CCDC32: variants seen among roughly 807,000 people sequenced by gnomAD.
CCDC32 encodes the protein coiled-coil domain containing 32, also known as coiled-coil domain-containing protein 32.
A neutral mutation model predicts 20.1 loss-of-function variants in CCDC32; 9 were observed. That is an observed-to-expected ratio of 0.45 (90% CI 0.27 to 0.78). The LOEUF (loss-of-function observed/expected upper bound fraction) is 0.78. CCDC32 is among the 30% of genes least tolerant of loss of function. The probability of loss-of-function intolerance (pLI) is 0.16; values close to 1 mark genes in which losing one functional copy is unlikely to be tolerated. For synonymous variants in CCDC32, 63 were observed against 79.0 expected (o/e 0.80, Z 1.07); for missense variants, 204 against 215.5 (o/e 0.95, Z 0.33).
rs1287688741 is a variant in CCDC32, at chr15:40,553,945, T to C, written c.*26A>G. The C allele has an allele frequency of 1.3e-6, 1 of 773,774 alleles. No individual in the cohort carries two copies. Among genetic ancestry groups the C allele is most frequent in the Non-Finnish European group, 2.0e-6 (1 of 501,924 alleles). 47.9% of individuals were successfully genotyped at this position (773,774 alleles called of 1,614,324 possible). On this transcript the variant is annotated 3_prime_UTR_variant, in exon 4 of 4. Coordinates refer to ENST00000416810, the MANE Select transcript of CCDC32 (RefSeq NM_001080792.4). ...GTGTGTGTGTGTGTGTGTGTGTGTG[T>C]GTGTGTGTGTGTGTGTGTGTGTAAT...
rs1889992058 is a variant in CCDC32 at position 40,553,294 on chromosome 15, G to C, written c.*677C>G. ...CCTTTTTAAGTGCAGGAGGAAGTTG[G>C]AGGAGAAGCCATGCATGAAGTAAAA... On this transcript the variant is annotated 3_prime_UTR_variant, in exon 4 of 4. Coordinates refer to ENST00000416810, the MANE Select transcript of CCDC32 (RefSeq NM_001080792.4). 3.0e-6 allele frequency: 3 copies of C among 985,480 alleles called. No individual in the cohort carries two copies. The South Asian group carries it at 1.4e-4, about 46-fold the overall frequency. The allele number at this position is 985,480 out of a possible 1,614,324, so 61.0% of individuals were successfully genotyped here.
At chr15:40,529,153 G>A (rs945402027) in intron 3 of CCDC32, among the ~76,000 whole-genome samples, 2 of 152,180 alleles carry the variant, frequency 1.3e-5, no homozygotes, top group Admixed American at 6.5e-5. Flanking sequence ...CACAACCTTG[G>A]TGCACAATAT....
downstream of CCDC32, among the ~76,000 whole-genome samples, chr15:40,551,239 G>A (rs1051527642): frequency 3.3e-5 from 5 of 151,992 alleles, no homozygotes; most frequent in African/African-American, 1.2e-4. Flanking sequence ...AAAATTAGCC[G>A]GGCGTGGTGG....
In CCDC32 at chr15:40,562,811, C is replaced by CCCAA. The variant is rs746551766; in HGVS notation, c.201_204dup (p.Ala69LeufsTer63). 2 of 1,614,084 alleles carry CCCAA rather than the reference C, an allele frequency of 1.2e-6. No individual in the cohort carries two copies. Among genetic ancestry groups the CCCAA allele is most frequent in the African/African-American group, 2.7e-5 (2 of 74,924 alleles). On this transcript the variant is annotated frameshift_variant, in exon 2 of 4. Coordinates refer to ENST00000416810, the MANE Select transcript of CCDC32 (RefSeq NM_001080792.4). LOFTEE classifies it high-confidence loss of function. The stretch of plus-strand genomic sequence containing the variant: ...TACACTTCTGAATCCTGCAAGGGAG[C>CCCAA]CCAAGGCTTTACAGCTGGCTGGACA...
rs1371933705 is a variant in CCDC32, at chr15:40,539,459, G to A, written c.402-104C>T. On this transcript the variant is annotated intron_variant, in intron 3 of 3. Coordinates refer to the CCDC32 transcript ENST00000558113. ...AGAGACAGGCATACATAGGAGCACC[G>A]AGAGTGCGAAGGTGCGAGGAAGTGA... 6 of 1,019,190 alleles carry A rather than the reference G, an allele frequency of 5.9e-6. No homozygotes were observed. In the Admixed American group the frequency reaches 6.2e-5, roughly 11 times the overall value. The allele number at this position is 1,019,190 out of a possible 1,614,324, so 63.1% of individuals were successfully genotyped here. A position where few individuals can be genotyped will look rare whatever the true frequency, so the allele number is the denominator to read the frequency against.
chr15:40,553,982 C>T lies in CCDC32; in HGVS notation c.547G>A (p.Ala183Thr), dbSNP rs144400630. ...TGTGTGTGTGTAATTTACTGTTCTG[C>T]TGCTGCTGGCTTGTCCCCGGCTGCT... ...EPAAGDKPAA[A>T]EQ Residue 183 changes from alanine to threonine, a missense_variant, in exon 4 of 4, where the codon GCA becomes ACA. By Grantham distance (58) the Ala-to-Thr change is moderately conservative (BLOSUM62 0). Coordinates refer to ENST00000416810, the MANE Select transcript of CCDC32 (RefSeq NM_001080792.4). The T allele has an allele frequency of 3.7e-6, 6 of 1,602,670 alleles. No individual in the cohort carries two copies. The African/African-American group carries it at 4.1e-5, about 11-fold the overall frequency.
chr15:40,548,465 T>C (rs1386202806), downstream of CCDC32, among the ~76,000 whole-genome samples: 1 of 152,206 alleles, frequency 6.6e-6, no homozygotes, highest in Admixed American at 6.5e-5. Context: ...GCATTGGTTA[T>C]CTATTGCTGA....
At chr15:40,531,883 T>A (rs2034653), downstream of CCDC32, 135,159 of 153,284 alleles carry the variant, frequency 0.88, 59,906 homozygotes, top group Non-Finnish European at 0.93. Flanking sequence ...GTTTTTTTTT[T>A]AAATATGAAA....
downstream of CCDC32, among the ~76,000 whole-genome samples, chr15:40,527,601 G>A (rs1446171595): frequency 6.6e-6 from 1 of 152,242 alleles, no homozygotes. Context: ...TGGATAATGA[G>A]GGCTCTGCTT....
chr15:40,562,733 C>G (rs774566913), intron 2 of CCDC32, 39 bp downstream of exon 2: 1 of 1,578,332 alleles, frequency 6.3e-7, no homozygotes, highest in African/African-American at 1.4e-5. Flanking sequence ...TTTGATGTAA[C>G]AGAACTTCAA....
chr15:40,529,953 G>A (rs553530713), downstream of CCDC32, among the ~76,000 whole-genome samples: 81 of 151,200 alleles, frequency 5.4e-4, 3 homozygotes, highest in Non-Finnish European at 9.6e-4. Flanking sequence ...GAGCCACTGC[G>A]CCCAGCCGGT....
At chr15:40,522,899 TCA>T in the CCDC32 span, among the ~76,000 whole-genome samples, 16 of 147,662 alleles carry the variant, frequency 1.1e-4, no homozygotes, top group African/African-American at 3.7e-4. Flanking sequence ...GCAGTCTCAC[TCA>T]CTGCAACTTC....
chr15:40,524,332 A>G (rs1471984634), downstream of CCDC32, among the ~76,000 whole-genome samples: 7 of 150,964 alleles, frequency 4.6e-5, no homozygotes, highest in Middle Eastern at 3.4e-3. Flanking sequence ...AATTTTTTGT[A>G]TTTTTAGTAG....
intron 1 of CCDC32, among the ~76,000 whole-genome samples, chr15:40,564,048 C>T (rs988942629): frequency 7.2e-5 from 11 of 152,068 alleles, no homozygotes; most frequent in African/African-American, 2.7e-4. Context: ...TCTCGATCTC[C>T]TGATCTTGTG....
At chr15:40,539,840 C>A (rs886933389) in intron 3 of CCDC32, among the ~76,000 whole-genome samples, 5 of 134,542 alleles carry the variant, frequency 3.7e-5, no homozygotes, top group Admixed American at 2.4e-4. Flanking sequence ...CAAACTGTTG[C>A]CACACACACA....
intron 2 of CCDC32, among the ~76,000 whole-genome samples, chr15:40,561,285 C>T (rs980554445): frequency 6.6e-6 from 1 of 151,788 alleles, no homozygotes; most frequent in Non-Finnish European, 1.5e-5. Flanking sequence ...CCACTCTGAC[C>T]AACATGGTGA....
chr15:40,526,128 A>G (rs1213554091), downstream of CCDC32, among the ~76,000 whole-genome samples: 1 of 152,138 alleles, frequency 6.6e-6, no homozygotes, highest in Non-Finnish European at 1.5e-5. Flanking sequence ...TGTAGACCAG[A>G]GCCAGAGAAA....
chr15:40,535,394 T>C, downstream of CCDC32: 7 of 1,018,936 alleles, frequency 6.9e-6, no homozygotes, highest in Non-Finnish European at 8.2e-6. Flanking sequence ...ATGCTTTATA[T>C]TTCTAACCCT....
At chr15:40,527,315 T>C (rs1894911788), downstream of CCDC32, among the ~76,000 whole-genome samples, 1 of 152,094 alleles carries the variant, frequency 6.6e-6, no homozygotes, top group African/African-American at 2.4e-5. Context: ...GGACTACAGA[T>C]GTGGGCCACC....
Sources: allele counts gnomAD v4.1 joint callset (sites outside exome capture counted in the v4.1 genomes callset), GRCh38; gene constraint gnomAD v4.1.1; transcripts MANE v1.5; gene names NCBI Gene and HGNC (gene_info 2026-07-23, HGNC 2026-07-21).